Variants in DLG2 observed in about 807,000 individuals in gnomAD.
The protein encoded by DLG2 is discs large MAGUK scaffold protein 2.
Under a neutral mutation model 132.5 loss-of-function variants are expected in DLG2, and 45 were observed. That is an observed-to-expected ratio of 0.34 (90% CI 0.27 to 0.44). DLG2 has a LOEUF of 0.44. Ranked by LOEUF, DLG2 falls within the 20% of genes least tolerant of loss-of-function variation. The probability of loss-of-function intolerance (pLI) is 1.00; values close to 1 mark genes in which losing one functional copy is unlikely to be tolerated. For synonymous variants in DLG2, 424 were observed against 419.6 expected, an observed-to-expected ratio of 1.01 and a Z score of -0.13; for missense variants, 1,045 against 1,196.9, an observed-to-expected ratio of 0.87 and a Z score of 1.87.
chr11:84,220,609 C>A lies in DLG2; in HGVS notation c.573+30629G>T, dbSNP rs558359437. ...AACATCAATCTTCTAACATGGATAA[C>A]AATTACACACTTAAGAAGGTTTCCT... On this transcript the variant is annotated intron_variant, in intron 8 of 27. Coordinates refer to ENST00000376104, the MANE Select transcript of DLG2 (RefSeq NM_001142699.3). 5.3e-5 allele frequency among the ~76,000 whole-genome samples: 8 copies of A among 152,100 alleles called. 1 individual carries two copies. In the South Asian group the frequency reaches 1.5e-3, roughly 28 times the overall value.
At chr11:84,410,051 A>G (rs764147043) in intron 7 of DLG2, among the ~76,000 whole-genome samples, 1 of 152,212 alleles carries the variant, frequency 6.6e-6, no homozygotes, top group Non-Finnish European at 1.5e-5. Context: ...CAAAGCTAGG[A>G]CTGGAAGGTA....
intron 18 of DLG2, among the ~76,000 whole-genome samples, chr11:83,768,554 C>G (rs1377805803): frequency 1.3e-5 from 2 of 152,338 alleles, no homozygotes; most frequent in East Asian, 3.9e-4. Context: ...ACCATAATCA[C>G]TACCCTCTTC....
chr11:85,483,830 G>C (rs372692730), intron 3 of DLG2, among the ~76,000 whole-genome samples: 3 of 150,226 alleles, frequency 2.0e-5, no homozygotes, highest in Non-Finnish European at 4.4e-5. Context: ...TGTAATCCCA[G>C]CTACTCAGGA....
chr11:84,381,452 A>T (rs930149773), intron 7 of DLG2, among the ~76,000 whole-genome samples: 2 of 152,150 alleles, frequency 1.3e-5, no homozygotes, highest in Non-Finnish European at 2.9e-5. Context: ...AAATTTTACC[A>T]TACTAAATCT....
intron 7 of DLG2, among the ~76,000 whole-genome samples, chr11:84,479,560 A>G (rs1359036550): frequency 6.6e-6 from 1 of 152,172 alleles, no homozygotes; most frequent in Non-Finnish European, 1.5e-5. Context: ...TTAATCCAAC[A>G]GATGATTTGT....
chr11:85,372,225 C>T (rs1177563519), intron 3 of DLG2, among the ~76,000 whole-genome samples: 3 of 152,142 alleles, frequency 2.0e-5, no homozygotes, highest in Non-Finnish European at 4.4e-5. Flanking sequence ...AGTAGAATAT[C>T]CATCACTTGG....
At chr11:85,131,150 A>G (rs2075675779) in intron 5 of DLG2, among the ~76,000 whole-genome samples, 1 of 152,142 alleles carries the variant, frequency 6.6e-6, no homozygotes, top group Non-Finnish European at 1.5e-5. Context: ...CCTGTAGTCA[A>G]TAATATTTTT....
intron 4 of DLG2, among the ~76,000 whole-genome samples, chr11:85,193,407 T>G (rs2080772738): frequency 6.6e-6 from 1 of 152,242 alleles, no homozygotes; most frequent in African/African-American, 2.4e-5. Flanking sequence ...AACATATATT[T>G]TCAGTTGTCT....
chr11:84,634,542 C>A (rs1365398359), intron 6 of DLG2, among the ~76,000 whole-genome samples: 2 of 152,146 alleles, frequency 1.3e-5, no homozygotes, highest in Non-Finnish European at 2.9e-5. Context: ...GCTGTTTCTG[C>A]ACCTTACTTT....
At chr11:83,742,786 T>C (rs1261619702) in intron 18 of DLG2, among the ~76,000 whole-genome samples, 1 of 152,226 alleles carries the variant, frequency 6.6e-6, no homozygotes, top group Non-Finnish European at 1.5e-5. Context: ...ATTAGAATTT[T>C]TCTGTCTTGA....
At chr11:84,127,104 T>G (rs1178654163) in intron 9 of DLG2, among the ~76,000 whole-genome samples, 1 of 152,178 alleles carries the variant, frequency 6.6e-6, no homozygotes, top group Non-Finnish European at 1.5e-5. Context: ...TTGTATAATC[T>G]AGGACAAGGA....
intron 6 of DLG2, among the ~76,000 whole-genome samples, chr11:84,830,230 G>A (rs1260937212): frequency 2.0e-5 from 3 of 151,540 alleles, no homozygotes; most frequent in African/African-American, 4.8e-5. Flanking sequence ...CCTGGTATGA[G>A]GAGGCAAGTA....
intron 6 of DLG2, among the ~76,000 whole-genome samples, chr11:84,781,925 G>A (rs1212211993): frequency 1.3e-5 from 2 of 152,078 alleles, no homozygotes; most frequent in African/African-American, 4.8e-5. Context: ...CTGGATGGAG[G>A]ACAGACCTAG....
chr11:84,778,034 G>A (rs1380051728), intron 6 of DLG2, among the ~76,000 whole-genome samples: 3 of 152,030 alleles, frequency 2.0e-5, no homozygotes, highest in East Asian at 1.9e-4. Context: ...TGCCTAGACC[G>A]ATATCCAGAA....
chr11:83,637,324 G>C (rs11233704), intron 18 of DLG2, among the ~76,000 whole-genome samples: 45,797 of 152,044 alleles, frequency 0.3, 7,158 homozygotes, highest in African/African-American at 0.34. Flanking sequence ...AGCCTCAGGA[G>C]AACATTTGAA....
rs566427698 is a variant in DLG2, at chr11:84,259,533, G to T, written c.520-8242C>A. 2.6e-5 allele frequency among the ~76,000 whole-genome samples: 4 copies of T among 152,204 alleles called. No homozygotes were observed. In the South Asian group the frequency reaches 8.3e-4, roughly 32 times the overall value. On this transcript the variant is annotated intron_variant, in intron 7 of 27. Transcript: ENST00000376104. ...ACAGTGCTGAATAAACTATGTGAGT[G>T]CCTGAGGGCGTGGCTAGTTCATCCT...
chr11:85,067,241 C>T (rs1281092052), intron 6 of DLG2, among the ~76,000 whole-genome samples: 1 of 151,738 alleles, frequency 6.6e-6, no homozygotes, highest in Non-Finnish European at 1.5e-5. Context: ...CTCCTTTCTT[C>T]TTTATTAGTC....
chr11:84,133,636 TC>T (rs1326883950), intron 9 of DLG2, among the ~76,000 whole-genome samples: 2 of 151,440 alleles, frequency 1.3e-5, no homozygotes, highest in African/African-American at 2.4e-5. Context: ...TCCTTCTTCT[TC>T]TTCTTCTACT....
chr11:83,592,308 G>T (rs11233687), intron 19 of DLG2, among the ~76,000 whole-genome samples: 6,944 of 148,502 alleles, frequency 0.047, 228 homozygotes, highest in South Asian at 0.12. Flanking sequence ...TAGATCAATG[G>T]AACAGAACAG....
Sources: allele counts gnomAD v4.1 joint callset (sites outside exome capture counted in the v4.1 genomes callset), GRCh38; gene constraint gnomAD v4.1.1; transcripts MANE v1.5; gene names NCBI Gene and HGNC (gene_info 2026-07-23, HGNC 2026-07-21).